The following CLEC4D variants were observed in gnomAD, a reference collection of about 807,000 sequenced individuals.
The protein encoded by CLEC4D is C-type (calcium dependent, carbohydrate-recognition domain) lectin, superfamily member 8.
A neutral mutation model predicts 21.1 loss-of-function variants in CLEC4D; 21 were observed. The ratio of observed to expected loss-of-function variants is 1.00; its 90% confidence interval spans 0.71 to 1.43. The LOEUF (loss-of-function observed/expected upper bound fraction) is 1.43, where lower values mean the gene tolerates loss of function less well. CLEC4D is among the 40% of genes most tolerant of loss of function. CLEC4D has a pLI of 0.00. For synonymous variants in CLEC4D, 85 were observed against 83.1 expected (o/e 1.02, Z -0.12); for missense variants, 289 against 260.7 (o/e 1.11, Z -0.75).
chr12:8,516,824 C>G (rs1341784819), intron 2 of CLEC4D, among the ~76,000 whole-genome samples: 1 of 152,130 alleles, frequency 6.6e-6, no homozygotes, highest in East Asian at 1.9e-4. Context: ...TTCACAGTAG[C>G]CAAACACTGG....
intron 2 of CLEC4D, 28 bp from the exon 3 acceptor site, chr12:8,518,136 A>G: frequency 1.2e-6 from 1 of 868,828 alleles, no homozygotes; most frequent in Non-Finnish European, 2.0e-6. Flanking sequence ...ATAGAAAAAG[A>G]AACCTAACTT....
At chr12:8,523,660 T>C (rs1028538322), downstream of CLEC4D, among the ~76,000 whole-genome samples, 1 of 152,188 alleles carries the variant, frequency 6.6e-6, no homozygotes, top group East Asian at 1.9e-4. Context: ...CAACTTGACT[T>C]CCTCTCTTAC....
At chr12:8,514,033 T>C (rs180811607) in intron 1 of CLEC4D, among the ~76,000 whole-genome samples, 6 of 152,128 alleles carry the variant, frequency 3.9e-5, no homozygotes, top group African/African-American at 1.4e-4. Context: ...ATGAGAAGAT[T>C]CTTTTAAAGA....
At chr12:8,515,795 A>C (rs1651328460) in intron 2 of CLEC4D, among the ~76,000 whole-genome samples, 1 of 152,100 alleles carries the variant, frequency 6.6e-6, no homozygotes, top group African/African-American at 2.4e-5. Flanking sequence ...TACATATTTA[A>C]TGTATACATC....
rs1940427141 is a variant in CLEC4D at position 8,519,295 on chromosome 12, C to T, written c.384+135C>T. The T allele has an allele frequency of 1.2e-5, 16 of 1,350,442 alleles. 1 individual carries two copies. Among genetic ancestry groups the T allele is most frequent in the Non-Finnish European group, 1.4e-5 (15 of 1,040,740 alleles). 83.7% of individuals were successfully genotyped at this position (1,350,442 alleles called of 1,614,324 possible). On this transcript the variant is annotated intron_variant, in intron 4 of 5. Transcript: ENST00000299665. ...GCCTGGAAAGCCCTTTCTTCCTCTT[C>T]AACTTTTTGTCATATGGCCAACTTC...
chr12:8,522,550 G>C (rs1044827925), downstream of CLEC4D, among the ~76,000 whole-genome samples: 1 of 152,078 alleles, frequency 6.6e-6, no homozygotes, highest in Middle Eastern at 3.2e-3. Flanking sequence ...GATGCGTGTA[G>C]CTGTGTTAAA....
Position 8,521,205 on chromosome 12 carries a change from G to T in CLEC4D, c.582G>T (p.Trp194Cys). ...VLVYNQDKWA[W>C]NDVPCNFEAS... ...TTTATAACCAAGATAAATGGGCCTG[G>T]AATGATGTTCCTTGTAACTTTGAAG... The change falls in exon 6 of 6, where the codon TGG becomes TGT. Residue 194 changes from tryptophan to cysteine, a missense_variant. Coordinates refer to ENST00000299665, the MANE Select transcript of CLEC4D (RefSeq NM_080387.5). 1 of 1,613,670 alleles carries T rather than the reference G, an allele frequency of 6.2e-7. No individual in the cohort carries two copies. Among genetic ancestry groups the T allele is most frequent in the Non-Finnish European group, 8.5e-7 (1 of 1,179,694 alleles).
At chr12:8,514,671 A>C (rs1228172818) in intron 1 of CLEC4D, among the ~76,000 whole-genome samples, 3 of 152,132 alleles carry the variant, frequency 2.0e-5, no homozygotes, top group African/African-American at 7.2e-5. Flanking sequence ...CAGCCTTGCC[A>C]ACACTGCATG....
At chr12:8,527,133 A>C (rs1031637422), downstream of CLEC4D, among the ~76,000 whole-genome samples, 2 of 152,138 alleles carry the variant, frequency 1.3e-5, no homozygotes, top group African/African-American at 4.8e-5. Flanking sequence ...ACTCCTGTAT[A>C]GGGTGTCTGA....
At position 8,518,996 on chromosome 12, in the gene CLEC4D, A is replaced by ATT; in HGVS notation, c.233-10_233-9dup. On this transcript the variant is annotated splice_polypyrimidine_tract_variant and intron_variant, in intron 3 of 5. Coordinates refer to ENST00000299665, the MANE Select transcript of CLEC4D (RefSeq NM_080387.5). ...TCTTTTGTTACCAATTTCCGTTTTA[A>ATT]TTTTCACTTGAGGGAGCACCTGGAA... is the stretch of plus-strand genomic sequence containing the variant. The ATT allele has an allele frequency of 6.2e-7, 1 of 1,610,336 alleles. No homozygotes were observed.
chr12:8,524,278 GTTC>G (rs1323162055), downstream of CLEC4D, among the ~76,000 whole-genome samples: 3 of 151,994 alleles, frequency 2.0e-5, no homozygotes, highest in African/African-American at 7.2e-5. Context: ...AATGGTACCA[GTTC>G]TTCTTTGTAT....
intron 2 of CLEC4D, among the ~76,000 whole-genome samples, chr12:8,516,454 C>A (rs1167994025): frequency 6.6e-6 from 1 of 152,062 alleles, no homozygotes; most frequent in Non-Finnish European, 1.5e-5. Flanking sequence ...TAAATAGGTA[C>A]TAAAACAAAG....
At position 8,521,440 on chromosome 12, in the gene CLEC4D, A is replaced by G. The variant is rs922800113; in HGVS notation, c.*169A>G. ...GATTCATTCGAGACAACATGTGTGT[A>G]TGTGTGTGTGTGTGTGTGTAGATAA... On this transcript the variant is annotated 3_prime_UTR_variant, in exon 6 of 6. Coordinates refer to ENST00000299665, the MANE Select transcript of CLEC4D (RefSeq NM_080387.5). The G allele has an allele frequency of 2.4e-5, 31 of 1,291,878 alleles. No individual in the cohort carries two copies. In the South Asian group the frequency reaches 2.4e-4, roughly 10 times the overall value. 80.0% of individuals were successfully genotyped at this position (1,291,878 alleles called of 1,614,324 possible). A position where few individuals can be genotyped will look rare whatever the true frequency, so the allele number is the denominator to read the frequency against.
At chr12:8,529,028 T>C in the CLEC4D span, among the ~76,000 whole-genome samples, 1 of 152,210 alleles carries the variant, frequency 6.6e-6, no homozygotes, top group Non-Finnish European at 1.5e-5. Context: ...GATTTATATC[T>C]TGTTCTTATA....
At chr12:8,519,926 C>T (rs1940436455) in intron 4 of CLEC4D, among the ~76,000 whole-genome samples, 2 of 152,082 alleles carry the variant, frequency 1.3e-5, no homozygotes, top group East Asian at 3.8e-4. Context: ...AAAAACAAAA[C>T]CTCCTAAAAA....
At chr12:8,518,644 G>A (rs752386957) in intron 3 of CLEC4D, among the ~76,000 whole-genome samples, 5 of 152,160 alleles carry the variant, frequency 3.3e-5, no homozygotes, top group African/African-American at 4.8e-5. Context: ...TGGGAGAATG[G>A]GGCAGTGCTT....
the CLEC4D span, among the ~76,000 whole-genome samples, chr12:8,528,101 G>A: frequency 6.6e-6 from 1 of 152,144 alleles, no homozygotes; most frequent in Non-Finnish European, 1.5e-5. Context: ...TTTTCCGTGG[G>A]AGCCTCAAAA....
At chr12:8,517,639 A>G (rs1430025787) in intron 2 of CLEC4D, among the ~76,000 whole-genome samples, 1 of 152,054 alleles carries the variant, frequency 6.6e-6, no homozygotes, top group Non-Finnish European at 1.5e-5. Context: ...AAAGTTTGCA[A>G]AACTTCTCCC....
downstream of CLEC4D, among the ~76,000 whole-genome samples, chr12:8,522,518 TGTG>T (rs1208659917): frequency 2.0e-5 from 3 of 151,942 alleles, no homozygotes; most frequent in East Asian, 3.8e-4. Flanking sequence ...TGTTTGATTG[TGTG>T]GTGGTGGTGG....
Sources: allele counts gnomAD v4.1 joint callset (sites outside exome capture counted in the v4.1 genomes callset), GRCh38; gene constraint gnomAD v4.1.1; transcripts MANE v1.5; gene names NCBI Gene and HGNC (gene_info 2026-07-23, HGNC 2026-07-21).